RGSL1: variants seen among roughly 807,000 people sequenced by gnomAD.
RGSL1 encodes the protein regulator of G protein signaling like 1.
RGSL1 carries 97 observed loss-of-function variants against 124.7 expected under a neutral mutation model. That is an observed-to-expected ratio of 0.78 (90% confidence interval 0.66 to 0.92). The LOEUF (loss-of-function observed/expected upper bound fraction) is 0.92. Ranked by LOEUF, RGSL1 falls within the 40% of genes least tolerant of loss-of-function variation. RGSL1 has a pLI of 0.00. For missense variants in RGSL1, 1,233 were observed against 1,288.4 expected (o/e 0.96, Z 0.66); for synonymous variants, 424 against 438.1 (o/e 0.97, Z 0.40).
chr1:182,559,502 GC>G (rs1661051409), intron 21 of RGSL1, among the ~76,000 whole-genome samples: 1 of 151,986 alleles, frequency 6.6e-6, no homozygotes, highest in Non-Finnish European at 1.5e-5. Context: ...CCCATCACTG[GC>G]CCTGTGAAGT....
intron 6 of RGSL1, among the ~76,000 whole-genome samples, chr1:182,484,990 C>T (rs1571543239): frequency 6.6e-6 from 1 of 152,180 alleles, no homozygotes; most frequent in East Asian, 1.9e-4. Flanking sequence ...TGGTATAGCA[C>T]GGTAGTCTTG....
chr1:182,505,294 G>A (rs1656730338), intron 9 of RGSL1, among the ~76,000 whole-genome samples: 1 of 152,190 alleles, frequency 6.6e-6, no homozygotes, highest in African/African-American at 2.4e-5. Context: ...TTGAAAATAA[G>A]ATTCATATTT....
intron 2 of RGSL1, among the ~76,000 whole-genome samples, chr1:182,456,541 G>C (rs991172378): frequency 6.6e-6 from 1 of 152,074 alleles, no homozygotes; most frequent in Non-Finnish European, 1.5e-5. Flanking sequence ...CAGATGATCC[G>C]CCTGCCTCGG....
rs190559074 is a variant in RGSL1, at chr1:182,467,268, T to C, written c.302-5128T>C. ...CTTCACAGAATTGGAAAAAAACTGC[T>C]TTAAAGTTCATATGGAACCAAAAAA... On this transcript the variant is annotated intron_variant, in intron 4 of 21. Coordinates refer to ENST00000294854, the MANE Select transcript of RGSL1 (RefSeq NM_001137669.2). Among the ~76,000 whole-genome samples the C allele has an allele frequency of 7.2e-3, 1,102 of 152,280 alleles. 26 individuals carry two copies. The highest frequency in any genetic ancestry group is 0.026 in the African/African-American group (1,062 of 41,554).
At chr1:182,557,807 C>T (rs537729844) in intron 21 of RGSL1, among the ~76,000 whole-genome samples, 139 of 152,280 alleles carry the variant, frequency 9.1e-4, no homozygotes, top group African/African-American at 3.0e-3. Context: ...TTGCTTCTTT[C>T]GGTTTCTTAC....
intron 9 of RGSL1, among the ~76,000 whole-genome samples, chr1:182,508,458 C>T (rs1657015871): frequency 6.6e-6 from 1 of 151,598 alleles, no homozygotes; most frequent in Admixed American, 6.6e-5. Context: ...TGCCACCACA[C>T]CCAGCTAGTT....
At chr1:182,517,949 G>A (rs1336549108) in intron 9 of RGSL1, among the ~76,000 whole-genome samples, 1 of 152,168 alleles carries the variant, frequency 6.6e-6, no homozygotes, top group Non-Finnish European at 1.5e-5. Context: ...GTGGGTCTAC[G>A]TATGTGTCTT....
intron 16 of RGSL1, 32 bp from the exon 17 acceptor site, chr1:182,548,668 C>T (rs376186178): frequency 5.1e-5 from 79 of 1,550,236 alleles, no homozygotes; most frequent in Middle Eastern, 3.3e-4. Flanking sequence ...CGTGGAGCCT[C>T]TGCCAGTGAC....
intron 4 of RGSL1, 130 bp from the exon 5 acceptor site, chr1:182,472,266 C>T: frequency 1.2e-6 from 1 of 838,632 alleles, no homozygotes; most frequent in South Asian, 2.6e-5. Context: ...ATACCTTGAA[C>T]CAATCACCAG....
rs191135953 is a variant in RGSL1, at chr1:182,550,782, G to C, written c.2934-318G>C. 11 of 265,056 alleles carry C rather than the reference G, an allele frequency of 4.2e-5. No homozygotes were observed. In the East Asian group the frequency reaches 6.0e-4, roughly 14 times the overall value. The allele number at this position is 265,056 out of a possible 1,614,324, so 16.4% of individuals were successfully genotyped here. A position where few individuals can be genotyped will look rare whatever the true frequency, so the allele number is the denominator to read the frequency against. ...TAGGGATGTCAGAGTCTGATGCTGG[G>C]GTGCACCCCAGGGGTTAACCTCACC... is the stretch of plus-strand genomic sequence containing the variant. On this transcript the variant is annotated intron_variant, in intron 17 of 21. Coordinates refer to ENST00000294854, the MANE Select transcript of RGSL1 (RefSeq NM_001137669.2).
At chr1:182,462,895 A>T (rs550867595) in intron 4 of RGSL1, among the ~76,000 whole-genome samples, 3 of 152,354 alleles carry the variant, frequency 2.0e-5, no homozygotes, top group African/African-American at 4.8e-5. Flanking sequence ...TTCACCAAAA[A>T]ATCAATTAAA....
chr1:182,550,807 C>A, intron 17 of RGSL1: 1 of 352,126 alleles, frequency 2.8e-6, no homozygotes, highest in Non-Finnish European at 5.2e-6. Flanking sequence ...TTAACCTCAC[C>A]CCAGGCCTCA....
At chr1:182,508,393 G>A (rs559323601) in intron 9 of RGSL1, among the ~76,000 whole-genome samples, 4 of 129,694 alleles carry the variant, frequency 3.1e-5, no homozygotes, top group African/African-American at 5.8e-5. Context: ...TCCGCCTCCC[G>A]GGTTCAAGTG....
intron 9 of RGSL1, among the ~76,000 whole-genome samples, chr1:182,511,002 CTT>C (rs1657409071): frequency 6.6e-6 from 1 of 152,052 alleles, no homozygotes; most frequent in Admixed American, 6.6e-5. Context: ...CACAAAAAGT[CTT>C]TGCCCAGACC....
Position 182,488,880 on chromosome 1 carries a change from A to G in RGSL1, c.1495-100A>G, listed in dbSNP as rs1424467218. ...AACTGAAAACAACCTGCATAAGACCATGTAACAGGGAGGCATGGAGCACTG... is the reference window on the plus strand; with the variant it reads ...AACTGAAAACAACCTGCATAAGACCGTGTAACAGGGAGGCATGGAGCACTG... On this transcript the variant is annotated intron_variant, in intron 7 of 21. Transcript: ENST00000294854. The G allele has an allele frequency of 3.4e-6, 3 of 888,008 alleles. No individual in the cohort carries two copies. In the Admixed American group the frequency reaches 7.1e-5, roughly 21 times the overall value. 55.0% of individuals were successfully genotyped at this position (888,008 alleles called of 1,614,324 possible).
intron 9 of RGSL1, among the ~76,000 whole-genome samples, chr1:182,509,727 C>G (rs1657218362): frequency 7.1e-6 from 1 of 141,380 alleles, no homozygotes; most frequent in Non-Finnish European, 1.6e-5. Flanking sequence ...CTGACCCCCC[C>G]ACCTCCCTCC....
chr1:182,488,122 A>T (rs1242549471), intron 6 of RGSL1, among the ~76,000 whole-genome samples, 163 bp from the exon 7 acceptor site: 2 of 152,256 alleles, frequency 1.3e-5, no homozygotes, highest in African/African-American at 4.8e-5. Flanking sequence ...AGATAAAAGA[A>T]TGCCTCCTGG....
rs140883662 is a variant in RGSL1 at position 182,558,407 on chromosome 1, A to C, written c.*166-1872A>C. ...TACCATAACAAGTTACCAGAAACTT[A>C]GTGGCTTAAAACAACACAAATTATT... On this transcript the variant is annotated intron_variant, in intron 21 of 21. Transcript: ENST00000294854. Among the ~76,000 whole-genome samples, 929 of 152,332 alleles carry C rather than the reference A, an allele frequency of 6.1e-3. 12 individuals are homozygous for C. Among genetic ancestry groups the C allele is most frequent in the African/African-American group, 0.021 (875 of 41,576 alleles).
intron 9 of RGSL1, among the ~76,000 whole-genome samples, chr1:182,495,848 G>A (rs185684025): frequency 2.0e-5 from 3 of 152,310 alleles, no homozygotes; most frequent in African/African-American, 7.2e-5. Context: ...TGCTTAGGTA[G>A]TTTCTTGTAC....
Sources: gnomAD v4.1 joint callset for allele counts (sites outside exome capture counted in the v4.1 genomes callset) on GRCh38, gnomAD v4.1.1 for gene constraint, MANE v1.5 for transcripts, NCBI Gene and HGNC (gene_info 2026-07-23, HGNC 2026-07-21) for gene names.